The following USH2A variants were observed in gnomAD, a reference collection of about 807,000 sequenced individuals.
The protein encoded by USH2A is Usher syndrome 2A (autosomal recessive, mild).
In USH2A, 443 loss-of-function variants were observed where a neutral mutation model predicts 538.9. The observed-to-expected ratio is 0.82, with a 90% confidence interval of 0.76 to 0.89. The LOEUF (loss-of-function observed/expected upper bound fraction) is 0.89, where lower values mean the gene tolerates loss of function less well. Ranked by LOEUF, USH2A falls within the 40% of genes least tolerant of loss-of-function variation. The pLI is 0.00. For missense variants in USH2A, 6,633 were observed against 6,324.8 expected (o/e 1.05, Z -1.65); for synonymous variants, 2,413 against 2,273.5 (o/e 1.06, Z -1.75).
chr1:216,071,732 C>T (rs562525051), intron 29 of USH2A, among the ~76,000 whole-genome samples: 41 of 152,184 alleles, frequency 2.7e-4, no homozygotes, highest in African/African-American at 7.0e-4. Context: ...ATACTCAAAG[C>T]GGGCTTTATA....
chr1:216,084,817 T>C lies in USH2A; in HGVS notation c.5048A>G (p.Asn1683Ser), dbSNP rs140080678. The C allele has an allele frequency of 1.3e-4, 217 of 1,613,564 alleles. 1 individual carries two copies. The African/African-American group carries it at 2.7e-3, about 20-fold the overall frequency. ...LKDVHFMKNY[N>S]PSAIWEPLDW... ...CAGAGGTTCCCAAATAGCTGACGGA[T>C]TGTAATTCTTCATAAAATGTACATC... is the stretch of plus-strand genomic sequence containing the variant. The change falls in exon 25 of 72, where the codon AAT becomes AGT. Residue 1683 changes from asparagine to serine, a missense_variant. Physicochemically the swap from Asn to Ser is conservative, Grantham distance 46 (BLOSUM62 1). Transcript: ENST00000307340.
intron 51 of USH2A, 110 bp downstream of exon 51, chr1:215,789,949 A>G (rs1661933103): frequency 2.0e-6 from 2 of 1,001,842 alleles, no homozygotes; most frequent in Non-Finnish European, 3.0e-6. Flanking sequence ...GTGAAAATGA[A>G]TAATGCACAC....
chr1:216,226,659 C>T (rs977908421), intron 14 of USH2A, among the ~76,000 whole-genome samples: 1 of 152,196 alleles, frequency 6.6e-6, no homozygotes, highest in Admixed American at 6.5e-5. Flanking sequence ...TGTTTTAGTG[C>T]AGTCAGATGC....
intron 21 of USH2A, among the ~76,000 whole-genome samples, chr1:216,107,402 A>C (rs2032759463): frequency 6.6e-6 from 1 of 151,772 alleles, no homozygotes; most frequent in Admixed American, 6.6e-5. Context: ...ACTGGTCTTA[A>C]AGGTAATTTT....
chr1:215,630,240 T>C (rs1656219759), intron 70 of USH2A: 1 of 458,370 alleles, frequency 2.2e-6, no homozygotes, highest in Non-Finnish European at 4.4e-6. Context: ...ACACATCAGA[T>C]ATATCAGCCA....
At chr1:215,735,821 T>A (rs1418778515) in intron 60 of USH2A, among the ~76,000 whole-genome samples, 1 of 152,182 alleles carries the variant, frequency 6.6e-6, no homozygotes, top group Non-Finnish European at 1.5e-5. Context: ...TAAATGTACA[T>A]CTATAACTGC....
chr1:215,743,690 T>C (rs1259610981), intron 58 of USH2A, among the ~76,000 whole-genome samples: 1 of 150,682 alleles, frequency 6.6e-6, no homozygotes, highest in African/African-American at 2.4e-5. Flanking sequence ...CATAGTGGTG[T>C]GTGCCTGTAA....
intron 11 of USH2A, among the ~76,000 whole-genome samples, chr1:216,267,156 C>T (rs1180642362): frequency 6.6e-6 from 1 of 151,966 alleles, no homozygotes; most frequent in Non-Finnish European, 1.5e-5. Flanking sequence ...AAGAAATAGT[C>T]AGGGATATGG....
At chr1:215,637,216 G>A (rs1656523593) in intron 69 of USH2A, among the ~76,000 whole-genome samples, 1 of 152,138 alleles carries the variant, frequency 6.6e-6, no homozygotes, top group Admixed American at 6.5e-5. Flanking sequence ...GACTGGCAGG[G>A]CTTAGAAGGC....
intron 11 of USH2A, among the ~76,000 whole-genome samples, chr1:216,280,625 A>G (rs2036755889): frequency 6.6e-6 from 1 of 152,232 alleles, no homozygotes; most frequent in African/African-American, 2.4e-5. Context: ...TGACTGTGGC[A>G]TCAGTATTTT....
Position 215,639,199 on chromosome 1 carries a change from C to T in USH2A, c.15008G>A (p.Ser5003Asn). 6.2e-7 allele frequency: 1 copy of T among 1,614,128 alleles called. No individual in the cohort carries two copies. Among genetic ancestry groups the T allele is most frequent in the Non-Finnish European group, 8.5e-7 (1 of 1,180,020 alleles). Reference protein sequence around the residue: ...FQVICTTDEGSVKTPLIQYDT... With the variant: ...FQVICTTDEGNVKTPLIQYDT... Reference sequence around the variant, plus strand: ...ATATTGGATCAACGGCGTCTTAACACTTCCTTCGTCAGTCGTGCAGATGAC... The same window carrying T: ...ATATTGGATCAACGGCGTCTTAACATTTCCTTCGTCAGTCGTGCAGATGAC... The change falls in exon 69 of 72, where the codon AGT becomes AAT. Residue 5003 changes from serine (S) to asparagine (N), a missense_variant. Physicochemically the swap from Ser to Asn is conservative, Grantham distance 46. Transcript: ENST00000307340.
chr1:216,030,746 GT>G (rs550308869), intron 32 of USH2A, among the ~76,000 whole-genome samples: 138 of 150,894 alleles, frequency 9.1e-4, no homozygotes, highest in Middle Eastern at 6.9e-3. Flanking sequence ...TGAAAAAGAA[GT>G]TTTCTTTCCA....
chr1:216,406,236 C>T (rs540940570), intron 3 of USH2A, among the ~76,000 whole-genome samples: 131 of 152,008 alleles, frequency 8.6e-4, no homozygotes, highest in African/African-American at 2.6e-3. Context: ...ATATCCTGGT[C>T]GTAATATTGT....
intron 64 of USH2A, 72 bp downstream of exon 64, chr1:215,670,900 C>T (rs1657793187): frequency 2.0e-6 from 3 of 1,482,700 alleles, no homozygotes; most frequent in African/African-American, 1.4e-5. Flanking sequence ...TCAAATTGTG[C>T]ACCATTTTTA....
intron 4 of USH2A, among the ~76,000 whole-genome samples, chr1:216,336,510 A>G (rs1558043592): frequency 6.6e-6 from 1 of 151,420 alleles, no homozygotes; most frequent in East Asian, 1.9e-4. Context: ...ATCTATTAGG[A>G]ATTATAAATG....
At chr1:215,736,962 C>T (rs573860770) in intron 60 of USH2A, among the ~76,000 whole-genome samples, 4 of 151,986 alleles carry the variant, frequency 2.6e-5, no homozygotes, top group Admixed American at 2.6e-4. Flanking sequence ...TTAATTGACC[C>T]AGTACTTCTA....
chr1:216,035,312 T>G (rs1669223857), intron 32 of USH2A, among the ~76,000 whole-genome samples: 1 of 152,116 alleles, frequency 6.6e-6, no homozygotes, highest in African/African-American at 2.4e-5. Context: ...AGGAGAAATT[T>G]GTACACAGAT....
At chr1:216,167,152 T>A (rs1216063159) in intron 21 of USH2A, among the ~76,000 whole-genome samples, 1 of 152,106 alleles carries the variant, frequency 6.6e-6, no homozygotes, top group Non-Finnish European at 1.5e-5. Context: ...ATATTATTAC[T>A]TAACATTTCC....
chr1:215,781,298 T>C (rs1024149249), intron 54 of USH2A, among the ~76,000 whole-genome samples: 4 of 152,232 alleles, frequency 2.6e-5, no homozygotes, highest in Non-Finnish European at 4.4e-5. Context: ...CACCCTGCTA[T>C]CTGATCCTTC....
Sources: gnomAD v4.1 joint callset for allele counts (sites outside exome capture counted in the v4.1 genomes callset) on GRCh38, gnomAD v4.1.1 for gene constraint, MANE v1.5 for transcripts, NCBI Gene and HGNC (gene_info 2026-07-23, HGNC 2026-07-21) for gene names.